Variants in MTMR8 observed in about 807,000 individuals in gnomAD.
MTMR8 encodes the protein myotubularin related protein 8.
Under a neutral mutation model 39.3 loss-of-function variants are expected in MTMR8, and 65 were observed. The ratio of observed to expected loss-of-function variants is 1.65; its 90% CI spans 1.35 to 2.03. The LOEUF (loss-of-function observed/expected upper bound fraction) is 2.03, where lower values mean the gene tolerates loss of function less well. Ranked by LOEUF, MTMR8 falls within the 30% of genes most tolerant of loss-of-function variation. The pLI, the probability that MTMR8 is intolerant of heterozygous loss-of-function variation, is 0.00. For missense variants in MTMR8, 777 were observed against 538.9 expected (o/e 1.44, Z -4.37); for synonymous variants, 245 against 185.2 (o/e 1.32, Z -2.62).
At chrX:64,384,336 G>A (rs1246902499) in intron 1 of MTMR8, among the ~76,000 whole-genome samples, 3 of 111,154 alleles carry the variant, frequency 2.7e-5, no homozygotes, top group African/African-American at 6.5e-5. Context: ...AACTACCAGT[G>A]GATCTCCCAT....
chrX:64,338,568 G>T (rs891065636), intron 8 of MTMR8, among the ~76,000 whole-genome samples: 1 of 112,221 alleles, frequency 8.9e-6, no homozygotes, highest in Admixed American at 9.4e-5. Context: ...GAGCCAGCTA[G>T]GAGGACAAGG....
intron 1 of MTMR8, among the ~76,000 whole-genome samples, chrX:64,382,676 C>G (rs1050068567): frequency 6.3e-5 from 7 of 111,462 alleles, no homozygotes; most frequent in African/African-American, 2.0e-4. Flanking sequence ...ATCCCTGTCT[C>G]ATGCCAGTTT....
chrX:64,341,760 A>G (rs903995697), intron 8 of MTMR8, among the ~76,000 whole-genome samples: 9 of 111,726 alleles, frequency 8.1e-5, no homozygotes, highest in Admixed American at 7.6e-4. Context: ...TCATCACAAA[A>G]AGTTCAAATG....
At chrX:64,338,349 T>C (rs981152139) in intron 8 of MTMR8, among the ~76,000 whole-genome samples, 2 of 111,973 alleles carry the variant, frequency 1.8e-5, no homozygotes, top group Non-Finnish European at 3.8e-5. Context: ...ATGCCAGGTA[T>C]AACAAAGGCA....
At chrX:64,297,007 T>C (rs2147196118) in intron 12 of MTMR8, among the ~76,000 whole-genome samples, 1 of 101,579 alleles carries the variant, frequency 9.8e-6, no homozygotes, top group African/African-American at 3.6e-5. Context: ...TGGTTCCAAG[T>C]CTTTGCTATT....
At chrX:64,277,009 C>T (rs927086982) in intron 12 of MTMR8, among the ~76,000 whole-genome samples, 9 of 111,687 alleles carry the variant, frequency 8.1e-5, no homozygotes, top group African/African-American at 2.9e-4. Context: ...ATGTAATGCC[C>T]TTCTTTGTCT....
At chrX:64,337,122 T>C (rs1337256681) in intron 9 of MTMR8, 146 bp downstream of exon 9, 2 of 572,460 alleles carry the variant, frequency 3.5e-6, no homozygotes. Flanking sequence ...CACACCTAAA[T>C]TTAATGAAAA....
intron 12 of MTMR8, among the ~76,000 whole-genome samples, chrX:64,285,198 A>G (rs746116795): frequency 8.9e-6 from 1 of 111,790 alleles, no homozygotes; most frequent in Non-Finnish European, 1.9e-5. Context: ...ACAGACTTTA[A>G]ATCAACAAAG....
chrX:64,296,037 C>T (rs187998618), intron 12 of MTMR8, among the ~76,000 whole-genome samples: 6 of 112,017 alleles, frequency 5.4e-5, no homozygotes, highest in African/African-American at 1.9e-4. Context: ...TTAGCCAAAG[C>T]TAAAAGGTAG....
At chrX:64,392,586 G>T (rs996115388) in intron 1 of MTMR8, among the ~76,000 whole-genome samples, 12 of 110,622 alleles carry the variant, frequency 1.1e-4, no homozygotes, top group Non-Finnish European at 2.3e-4. Context: ...TCTTTTTTTT[G>T]TTTGTTTGTT....
chrX:64,366,790 A>C (rs148865335), intron 1 of MTMR8, among the ~76,000 whole-genome samples: 1 of 111,685 alleles, frequency 9.0e-6, no homozygotes, highest in Non-Finnish European at 1.9e-5. Flanking sequence ...GACAAAAAAA[A>C]CTTCAAAAAA....
chrX:64,366,264 C>T (rs1187528997), intron 1 of MTMR8, among the ~76,000 whole-genome samples: 1 of 111,882 alleles, frequency 8.9e-6, no homozygotes, highest in Non-Finnish European at 1.9e-5. Flanking sequence ...ACCTAACAGA[C>T]ATCTACAGCA....
At chrX:64,370,397 C>A (rs141542800) in intron 1 of MTMR8, among the ~76,000 whole-genome samples, 7 of 109,145 alleles carry the variant, frequency 6.4e-5, no homozygotes, top group Non-Finnish European at 1.1e-4. Context: ...AAAGGAAAGG[C>A]GAGATGCTTG....
Position 64,268,453 on chromosome X carries a change from T to C in MTMR8, c.*84A>G. The C allele has an allele frequency of 9.0e-7, 1 of 1,110,440 alleles. No individual in the cohort carries two copies. Among genetic ancestry groups the C allele is most frequent in the Non-Finnish European group, 1.2e-6 (1 of 836,039 alleles). 91.5% of individuals were successfully genotyped at this position (1,110,440 alleles called of 1,213,427 possible). A position where few individuals can be genotyped will look rare whatever the true frequency, so the allele number is the denominator to read the frequency against. On this transcript the variant is annotated 3_prime_UTR_variant, in exon 14 of 14. Transcript: ENST00000374852. Reference sequence around the variant, plus strand: ...CCCTGGCTTCACCCACTTAAACCAATTGGAAAAGCAGCATAGCCCTCTCTG... The same window carrying C: ...CCCTGGCTTCACCCACTTAAACCAACTGGAAAAGCAGCATAGCCCTCTCTG...
At chrX:64,363,720 C>A (rs1381641371) in intron 1 of MTMR8, among the ~76,000 whole-genome samples, 1 of 111,617 alleles carries the variant, frequency 9.0e-6, no homozygotes, top group African/African-American at 3.3e-5. Flanking sequence ...GTACCTGGTT[C>A]ATCTAATTGG....
At chrX:64,327,767 A>T (rs993050467) in intron 12 of MTMR8, among the ~76,000 whole-genome samples, 2 of 112,346 alleles carry the variant, frequency 1.8e-5, no homozygotes, top group African/African-American at 6.5e-5. Context: ...TAGCCAAGAT[A>T]TGAAGTCAAC....
intron 10 of MTMR8, 121 bp downstream of exon 10, chrX:64,335,958 A>G (rs533441578): frequency 2.1e-6 from 1 of 472,618 alleles, no homozygotes; most frequent in South Asian, 5.7e-5. Flanking sequence ...CTTGATGAAA[A>G]GAGATTTATG....
intron 12 of MTMR8, among the ~76,000 whole-genome samples, chrX:64,278,308 C>A (rs376593040): frequency 9.2e-6 from 1 of 108,659 alleles, no homozygotes; most frequent in Admixed American, 1.0e-4. Context: ...GGAAAAGAGG[C>A]GTTCTGGCTT....
intron 12 of MTMR8, among the ~76,000 whole-genome samples, chrX:64,309,923 G>A (rs1922243144): frequency 8.9e-6 from 1 of 112,026 alleles, no homozygotes; most frequent in Non-Finnish European, 1.9e-5. Context: ...TTGCTGGTGG[G>A]AAGTCTTGCC....
Sources: gnomAD v4.1 joint callset for allele counts (sites outside exome capture counted in the v4.1 genomes callset) on GRCh38, gnomAD v4.1.1 for gene constraint, MANE v1.5 for transcripts, NCBI Gene and HGNC (gene_info 2026-07-23, HGNC 2026-07-21) for gene names.